JMJD1C: variants seen among roughly 807,000 people sequenced by gnomAD.
JMJD1C encodes jumonji domain-containing protein 1C.
JMJD1C carries 31 observed loss-of-function variants against 245.3 expected under a neutral mutation model. That is an observed-to-expected ratio of 0.13 (90% CI 0.09 to 0.17). JMJD1C has a LOEUF of 0.17. Ranked by LOEUF, JMJD1C falls within the 10% of genes least tolerant of loss-of-function variation. The probability of loss-of-function intolerance (pLI) is 1.00; values close to 1 mark genes in which losing one functional copy is unlikely to be tolerated. For missense variants in JMJD1C, 2,691 were observed against 3,000.2 expected, an observed-to-expected ratio of 0.90 and a Z score of 2.41; for synonymous variants, 1,057 against 1,017.4, an observed-to-expected ratio of 1.04 and a Z score of -0.74.
rs1401539420 is a variant in JMJD1C at position 63,300,116 on chromosome 10, G to A, written c.334-35352C>T. 2.6e-5 allele frequency among the ~76,000 whole-genome samples: 4 copies of A among 152,062 alleles called. No individual in the cohort carries two copies. The East Asian group carries it at 7.7e-4, about 29-fold the overall frequency. ...ACTACTTGAATGCTGACTCCACTAG[G>A]CAGTTATTACATTAAAGTTAATACA... is the stretch of plus-strand genomic sequence containing the variant. On this transcript the variant is annotated intron_variant, in intron 2 of 25. Coordinates refer to ENST00000399262, the MANE Select transcript of JMJD1C (RefSeq NM_032776.3).
chr10:63,439,051 C>T (rs1951213880), intron 1 of JMJD1C, among the ~76,000 whole-genome samples: 1 of 152,198 alleles, frequency 6.6e-6, no homozygotes, highest in Non-Finnish European at 1.5e-5. Context: ...TAAGTATCTG[C>T]TGAATGGATA....
intron 2 of JMJD1C, among the ~76,000 whole-genome samples, chr10:63,266,887 C>T (rs1205689972): frequency 6.6e-6 from 1 of 152,090 alleles, no homozygotes; most frequent in Non-Finnish European, 1.5e-5. Flanking sequence ...CTGAAGAGAG[C>T]TCTCCTTTTC....
At position 63,207,528 on chromosome 10, in the gene JMJD1C, G is replaced by C. The variant is rs1302081551; in HGVS notation, c.4141C>G (p.Pro1381Ala). The C allele has an allele frequency of 1.2e-6, 2 of 1,614,160 alleles. No individual in the cohort carries two copies. The highest frequency in any genetic ancestry group is 1.3e-5 in the African/African-American group (1 of 75,046). ...TTTACAGCAGACATGACTGAACTGG[G>C]AACACTGCCCTGTGAGACAGCCTGA... ...NFQAVSQGSV[P>A]SSVMSAVNTM... The change falls in exon 10 of 26, where the codon CCC (proline) becomes GCC (alanine). Residue 1381 changes from proline (P) to alanine (A), a missense_variant. Physicochemically the swap from Pro to Ala is conservative, Grantham distance 27. Coordinates refer to ENST00000399262, the MANE Select transcript of JMJD1C (RefSeq NM_032776.3).
At chr10:63,179,873 G>A (rs970916187) in intron 22 of JMJD1C, among the ~76,000 whole-genome samples, 11 of 151,984 alleles carry the variant, frequency 7.2e-5, no homozygotes, top group Non-Finnish European at 1.3e-4. Flanking sequence ...AGTCAAATAT[G>A]TTATCACTTG....
chr10:63,233,684 T>C (rs912793167), intron 3 of JMJD1C, among the ~76,000 whole-genome samples: 12 of 150,946 alleles, frequency 7.9e-5, no homozygotes, highest in Non-Finnish European at 1.6e-4. Context: ...CTTTTCCAAC[T>C]AGAAAGATTT....
At chr10:63,427,977 CCAGA>C (rs913449633) in intron 1 of JMJD1C, 3 of 696,470 alleles carry the variant, frequency 4.3e-6, no homozygotes, top group Admixed American at 2.1e-5. Flanking sequence ...CCACAGCATC[CCAGA>C]CAGTTTGGCT....
intron 1 of JMJD1C, among the ~76,000 whole-genome samples, chr10:63,490,426 T>TA (rs1564966989): frequency 6.6e-6 from 1 of 150,870 alleles, no homozygotes; most frequent in African/African-American, 2.4e-5. Flanking sequence ...TATTTTATTT[T>TA]TTTTTTTTGA....
chr10:63,327,652 A>T (rs1461871631), intron 2 of JMJD1C, among the ~76,000 whole-genome samples: 1 of 149,744 alleles, frequency 6.7e-6, no homozygotes, highest in Admixed American at 6.7e-5. Flanking sequence ...AGGATACTGT[A>T]TCAAGGGTAC....
intron 2 of JMJD1C, among the ~76,000 whole-genome samples, chr10:63,292,439 C>T (rs866877281): frequency 7.9e-5 from 12 of 151,108 alleles, no homozygotes; most frequent in African/African-American, 2.4e-4. Flanking sequence ...GGCGAAACCC[C>T]GTCTCTAGTA....
intron 2 of JMJD1C, among the ~76,000 whole-genome samples, chr10:63,353,427 A>C (rs1253340573): frequency 6.6e-6 from 1 of 152,216 alleles, no homozygotes; most frequent in Non-Finnish European, 1.5e-5. Context: ...AACAGATTTT[A>C]TGCAAAGCAG....
chr10:63,488,300 A>G (rs1253035780), intron 1 of JMJD1C, among the ~76,000 whole-genome samples: 1 of 152,222 alleles, frequency 6.6e-6, no homozygotes, highest in Admixed American at 6.5e-5. Flanking sequence ...GAAGACTTTA[A>G]CCATGTGGAG....
rs60583936 is a variant in JMJD1C at position 63,243,125 on chromosome 10, A to AT, written c.447+21525_447+21526insA. Among the ~76,000 whole-genome samples, 315 of 86,336 alleles carry AT rather than the reference A, an allele frequency of 3.6e-3. 1 individual carries two copies. The highest frequency in any genetic ancestry group is 5.7e-3 in the Non-Finnish European group (173 of 30,544). The allele number at this position is 86,336 out of a possible 152,430, so 56.6% of individuals were successfully genotyped here. On this transcript the variant is annotated intron_variant, in intron 3 of 25. Coordinates refer to ENST00000399262, the MANE Select transcript of JMJD1C (RefSeq NM_032776.3). ...AAATTATATATATATATATATATATAAATATATATATGGCTAGATAGGTAT... is the reference window on the plus strand; with the variant it reads ...AAATTATATATATATATATATATATATAATATATATATGGCTAGATAGGTAT...
At chr10:63,462,494 C>T (rs146615858) in intron 1 of JMJD1C, among the ~76,000 whole-genome samples, 1 of 152,162 alleles carries the variant, frequency 6.6e-6, no homozygotes, top group South Asian at 2.1e-4. Flanking sequence ...TGTTACATTA[C>T]ATGGCAAAGG....
intron 2 of JMJD1C, among the ~76,000 whole-genome samples, chr10:63,375,469 C>A (rs1347153669): frequency 4.6e-5 from 7 of 151,560 alleles, no homozygotes; most frequent in African/African-American, 1.5e-4. Flanking sequence ...CATAACTGAG[C>A]AAAATTAAAG....
At chr10:63,362,835 G>A (rs1396656697) in intron 2 of JMJD1C, among the ~76,000 whole-genome samples, 1 of 152,116 alleles carries the variant, frequency 6.6e-6, no homozygotes, top group Non-Finnish European at 1.5e-5. Flanking sequence ...TTAGAAGACT[G>A]AGGATCCCTG....
chr10:63,371,811 T>C (rs576554702), intron 2 of JMJD1C, among the ~76,000 whole-genome samples: 1 of 152,346 alleles, frequency 6.6e-6, no homozygotes, highest in Non-Finnish European at 1.5e-5. Flanking sequence ...ATGTATAATT[T>C]GATCTCTTAA....
chr10:63,482,805 T>C (rs1953870274), intron 1 of JMJD1C, among the ~76,000 whole-genome samples: 1 of 152,172 alleles, frequency 6.6e-6, no homozygotes, highest in South Asian at 2.1e-4. Flanking sequence ...GAAGCTGCTG[T>C]GCGTGGGGAT....
intron 22 of JMJD1C, among the ~76,000 whole-genome samples, chr10:63,178,915 G>T (rs1843135518): frequency 6.6e-6 from 1 of 152,158 alleles, no homozygotes; most frequent in South Asian, 2.1e-4. Flanking sequence ...ATAAATTTAA[G>T]GGGTACAACT....
chr10:63,181,508 GATCTT>G (rs1210798525), intron 22 of JMJD1C, among the ~76,000 whole-genome samples: 2 of 152,138 alleles, frequency 1.3e-5, no homozygotes, highest in South Asian at 2.1e-4. Context: ...AAAAAATCAT[GATCTT>G]TTAAGTATTT....
Sources: gnomAD v4.1 joint callset for allele counts (sites outside exome capture counted in the v4.1 genomes callset) on GRCh38, gnomAD v4.1.1 for gene constraint, MANE v1.5 for transcripts, NCBI Gene and HGNC (gene_info 2026-07-23, HGNC 2026-07-21) for gene names.